The following RNF38 variants were observed in gnomAD, a reference collection of about 807,000 sequenced individuals.
RNF38 encodes ring finger protein 38.
Under a neutral mutation model 67.2 loss-of-function variants are expected in RNF38, and 15 were observed. The ratio of observed to expected loss-of-function variants is 0.22; its 90% confidence interval spans 0.15 to 0.34. The LOEUF (loss-of-function observed/expected upper bound fraction) is 0.34, where lower values mean the gene tolerates loss of function less well. RNF38 is among the 10% of genes least tolerant of loss of function. The pLI, the probability that RNF38 is intolerant of heterozygous loss-of-function variation, is 1.00. For synonymous variants in RNF38, 220 were observed against 218.8 expected, an observed-to-expected ratio of 1.01 and a Z score of -0.05; for missense variants, 524 against 639.9, an observed-to-expected ratio of 0.82 and a Z score of 1.95.
intron 1 of RNF38, among the ~76,000 whole-genome samples, chr9:36,427,657 C>CCCTA (rs571011739): frequency 1.5e-4 from 22 of 147,064 alleles, no homozygotes; most frequent in African/African-American, 5.6e-4. Context: ...ATTTCCCAGC[C>CCCTA]TCTATCTATC....
In RNF38 at chr9:36,420,532, C is replaced by CAAAAAAAAAAAAAAAAAAA. The variant is rs59641483; in HGVS notation, n.312+4080_312+4081insTTTTTTTTTTTTTTTTTTT. On this transcript the variant is annotated intron_variant and non_coding_transcript_variant, in intron 2 of 3. Coordinates refer to the RNF38 transcript ENST00000488058. ...GGGCAACAGAGCAAGACTCTGTCTC[C>CAAAAAAAAAAAAAAAAAAA]AAAAAAAAAAAAAAAGAGGACAACC... Among the ~76,000 whole-genome samples the CAAAAAAAAAAAAAAAAAAA allele has an allele frequency of 6.0e-4, 44 of 73,344 alleles. 6 individuals carry two copies. Among genetic ancestry groups the CAAAAAAAAAAAAAAAAAAA allele is most frequent in the Middle Eastern group, 6.2e-3 (1 of 162 alleles). 48.1% of individuals were successfully genotyped at this position (73,344 alleles called of 152,430 possible).
intron 1 of RNF38, among the ~76,000 whole-genome samples, chr9:36,485,960 G>A (rs988491099): frequency 2.0e-4 from 30 of 152,136 alleles, no homozygotes; most frequent in African/African-American, 7.0e-4. Context: ...ATAAGTGACT[G>A]CAGACCAATT....
intron 2 of RNF38, among the ~76,000 whole-genome samples, chr9:36,407,865 T>G (rs1838220663): frequency 6.6e-6 from 1 of 152,226 alleles, no homozygotes; most frequent in African/African-American, 2.4e-5. Flanking sequence ...AGCCAATTCT[T>G]TCTTTGTTAG....
intron 8 of RNF38, 95 bp from the exon 9 acceptor site, chr9:36,351,294 G>A (rs772216891): frequency 6.6e-5 from 51 of 767,722 alleles, no homozygotes; most frequent in Non-Finnish European, 1.0e-4. Flanking sequence ...TAAGGATGAA[G>A]AATGGTTAGT....
At chr9:36,464,646 G>A (rs1839818335) in intron 1 of RNF38, among the ~76,000 whole-genome samples, 1 of 151,724 alleles carries the variant, frequency 6.6e-6, no homozygotes, top group Non-Finnish European at 1.5e-5. Flanking sequence ...AACAAACTGT[G>A]AAAACACAAA....
upstream of RNF38, chr9:36,400,446 G>A: frequency 1.9e-6 from 2 of 1,071,296 alleles, no homozygotes; most frequent in Non-Finnish European, 2.3e-6. Context: ...AGCGCCGGGC[G>A]GCCGAGGCAA....
intron 4 of RNF38, among the ~76,000 whole-genome samples, chr9:36,362,552 A>G (rs1834633563): frequency 6.6e-6 from 1 of 151,396 alleles, no homozygotes; most frequent in African/African-American, 2.4e-5. Context: ...AAAATCCCCC[A>G]ACGACCCCCT....
upstream of RNF38, chr9:36,400,914 G>A (rs997838301): frequency 2.6e-5 from 24 of 940,112 alleles, no homozygotes; most frequent in Admixed American, 7.2e-5. Context: ...GCCCCGCCGC[G>A]CCCCGCCGCA....
At chr9:36,348,033 G>A (rs530241803) in intron 9 of RNF38, among the ~76,000 whole-genome samples, 3 of 152,002 alleles carry the variant, frequency 2.0e-5, no homozygotes, top group South Asian at 2.1e-4. Flanking sequence ...CCGAGATTGC[G>A]CCACGGCACT....
chr9:36,383,071 G>C (rs1460619359), intron 2 of RNF38, among the ~76,000 whole-genome samples: 1 of 151,992 alleles, frequency 6.6e-6, no homozygotes, highest in Non-Finnish European at 1.5e-5. Flanking sequence ...TATAAGCTGG[G>C]GAAAGCAGAA....
At chr9:36,455,783 C>T (rs1439640304) in intron 1 of RNF38, among the ~76,000 whole-genome samples, 5 of 151,282 alleles carry the variant, frequency 3.3e-5, no homozygotes, top group East Asian at 3.9e-4. Context: ...AATTACAGCA[C>T]GTCTATAATC....
intron 9 of RNF38, among the ~76,000 whole-genome samples, chr9:36,345,521 G>T (rs182449764): frequency 6.6e-6 from 1 of 152,118 alleles, no homozygotes; most frequent in South Asian, 2.1e-4. Flanking sequence ...CCCCCTAGCT[G>T]TAACAACCAA....
intron 8 of RNF38, 97 bp downstream of exon 8, chr9:36,352,645 A>C: frequency 1.1e-6 from 1 of 930,464 alleles, no homozygotes; most frequent in South Asian, 1.4e-5. Context: ...ACAAATAACT[A>C]ACACACCAAA....
At chr9:36,473,713 G>A (rs189590452) in intron 1 of RNF38, among the ~76,000 whole-genome samples, 7 of 152,106 alleles carry the variant, frequency 4.6e-5, no homozygotes, top group East Asian at 1.9e-4. Context: ...TTGTCCAGGC[G>A]CGGTGGCTCA....
chr9:36,454,390 A>G (rs1210998066), intron 1 of RNF38, among the ~76,000 whole-genome samples: 1 of 152,026 alleles, frequency 6.6e-6, no homozygotes, highest in Non-Finnish European at 1.5e-5. Context: ...CGGCCTCCCA[A>G]AGTGCTGGGG....
chr9:36,463,377 A>G (rs974972662), intron 1 of RNF38, among the ~76,000 whole-genome samples: 1 of 152,200 alleles, frequency 6.6e-6, no homozygotes, highest in Non-Finnish European at 1.5e-5. Flanking sequence ...TTTAGATAAT[A>G]TGAGTCTGAT....
chr9:36,356,755 G>T (rs995063222), intron 5 of RNF38, among the ~76,000 whole-genome samples: 1 of 145,628 alleles, frequency 6.9e-6, no homozygotes, highest in Non-Finnish European at 1.5e-5. Context: ...TGTGGGGGGG[G>T]CGGGGGGGAA....
intron 1 of RNF38, among the ~76,000 whole-genome samples, chr9:36,443,365 TA>T (rs1402936971): frequency 6.6e-6 from 1 of 152,102 alleles, no homozygotes; most frequent in African/African-American, 2.4e-5. Context: ...AAAAATAGCA[TA>T]AACCTCAAAG....
At chr9:36,359,315 G>A (rs983649045) in intron 4 of RNF38, among the ~76,000 whole-genome samples, 4 of 151,192 alleles carry the variant, frequency 2.6e-5, no homozygotes, top group African/African-American at 9.7e-5. Context: ...TGTAGCTTTG[G>A]GGTTTCCTTT....
Sources: gnomAD v4.1 joint callset for allele counts (sites outside exome capture counted in the v4.1 genomes callset) on GRCh38, gnomAD v4.1.1 for gene constraint, MANE v1.5 for transcripts, NCBI Gene and HGNC (gene_info 2026-07-23, HGNC 2026-07-21) for gene names.